Variants in FERRY3 observed in about 807,000 individuals in gnomAD.
FERRY3 encodes protein C12orf4.
the FERRY3 span, among the ~76,000 whole-genome samples, chr12:4,517,834 A>G: frequency 1.3e-5 from 2 of 151,926 alleles, no homozygotes; most frequent in African/African-American, 4.8e-5. Context: ...TGAGAATTCT[A>G]TAAAAACATT....
At chr12:4,530,152 A>G in the FERRY3 span, 1 of 982,854 alleles carries the variant, frequency 1.0e-6, no homozygotes, top group South Asian at 1.5e-5. Context: ...CTTCAATGAC[A>G]GAAAGACCCT....
chr12:4,510,851 C>A, the FERRY3 span, among the ~76,000 whole-genome samples: 192 of 151,458 alleles, frequency 1.3e-3, 1 homozygote, highest in African/African-American at 3.9e-3. Flanking sequence ...CGAGCAAAAT[C>A]ACCAGCTAAC....
chr12:4,520,720 G>A, the FERRY3 span, among the ~76,000 whole-genome samples: 1 of 152,054 alleles, frequency 6.6e-6, no homozygotes, highest in Non-Finnish European at 1.5e-5. Context: ...CACCACTCAA[G>A]AACTTATTTG....
chr12:4,530,409 T>C, the FERRY3 span, among the ~76,000 whole-genome samples: 3 of 152,306 alleles, frequency 2.0e-5, no homozygotes, highest in South Asian at 2.1e-4. Context: ...ATGGTGGCTA[T>C]TTCAGGACAG....
chr12:4,519,742 C>T, the FERRY3 span, among the ~76,000 whole-genome samples: 2 of 152,200 alleles, frequency 1.3e-5, no homozygotes, highest in South Asian at 4.1e-4. This position sits in a 1 kb window ranked among gnomAD's most constrained non-coding sequence, Gnocchi z 4.3. Context: ...CTGAGCTCCA[C>T]CTCCCATCCG....
chr12:4,521,829 A>C, the FERRY3 span, among the ~76,000 whole-genome samples: 1 of 152,170 alleles, frequency 6.6e-6, no homozygotes, highest in African/African-American at 2.4e-5. Context: ...AAAACAATAA[A>C]ACTTCTAGAA....
the FERRY3 span, among the ~76,000 whole-genome samples, chr12:4,522,407 T>C: frequency 1.3e-5 from 2 of 152,132 alleles, no homozygotes; most frequent in East Asian, 3.9e-4. Context: ...AGAAGACACA[T>C]TTTTCCAGCA....
chr12:4,527,494 T>C, the FERRY3 span, among the ~76,000 whole-genome samples: 1 of 152,102 alleles, frequency 6.6e-6, no homozygotes, highest in African/African-American at 2.4e-5. Context: ...AAAAAATCAT[T>C]ATAACTTGTA....
At chr12:4,501,382 G>T in the FERRY3 span, among the ~76,000 whole-genome samples, 5 of 152,122 alleles carry the variant, frequency 3.3e-5, no homozygotes, top group Non-Finnish European at 7.3e-5. Context: ...TAGAACAAGG[G>T]TCCCTCATGG....
chr12:4,509,622 C>G, the FERRY3 span, among the ~76,000 whole-genome samples: 1 of 143,334 alleles, frequency 7.0e-6, no homozygotes, highest in Non-Finnish European at 1.5e-5. Flanking sequence ...TGGGAGGCAC[C>G]CCCCGGCAGG....
the FERRY3 span, among the ~76,000 whole-genome samples, chr12:4,521,652 G>A: frequency 6.6e-6 from 1 of 152,070 alleles, no homozygotes; most frequent in African/African-American, 2.4e-5. Flanking sequence ...ATTTTACAAT[G>A]CCCCCATTAA....
At chr12:4,520,647 A>G in the FERRY3 span, among the ~76,000 whole-genome samples, 3 of 152,188 alleles carry the variant, frequency 2.0e-5, no homozygotes, top group South Asian at 4.1e-4. Flanking sequence ...AAGTGGGGTA[A>G]AAGACTACAC....
the FERRY3 span, chr12:4,491,040 A>G: frequency 1.3e-6 from 1 of 748,090 alleles, no homozygotes; most frequent in Non-Finnish European, 2.3e-6. Context: ...CTATTATGAA[A>G]TATTTGCTTG....
chr12:4,511,328 C>G, the FERRY3 span, among the ~76,000 whole-genome samples: 4 of 150,868 alleles, frequency 2.7e-5, no homozygotes, highest in Non-Finnish European at 5.9e-5. Flanking sequence ...TTAGACAGAT[C>G]AACGAGACAG....
the FERRY3 span, among the ~76,000 whole-genome samples, chr12:4,520,833 A>T: frequency 1.3e-4 from 20 of 152,202 alleles, no homozygotes; most frequent in Non-Finnish European, 2.9e-4. Flanking sequence ...TGAAAGCAAG[A>T]TCTCTAACAA....
chr12:4,527,125 T>A, the FERRY3 span, among the ~76,000 whole-genome samples: 1 of 152,112 alleles, frequency 6.6e-6, no homozygotes, highest in Non-Finnish European at 1.5e-5. Context: ...GATATAAATA[T>A]ATATTACTAT....
chr12:4,533,783 A>G, the FERRY3 span, among the ~76,000 whole-genome samples: 1 of 152,260 alleles, frequency 6.6e-6, no homozygotes, highest in Admixed American at 6.5e-5. Context: ...TTAGAATTTC[A>G]GATAAATAGT....
the FERRY3 span, among the ~76,000 whole-genome samples, chr12:4,515,689 A>C: frequency 8.5e-5 from 13 of 152,170 alleles, no homozygotes; most frequent in South Asian, 1.0e-3. Context: ...AGGGGTACAA[A>C]GTTTCAGCCA....
the FERRY3 span, among the ~76,000 whole-genome samples, chr12:4,513,965 A>C: frequency 6.6e-6 from 1 of 151,580 alleles, no homozygotes; most frequent in African/African-American, 2.4e-5. Flanking sequence ...GCAACCTACA[A>C]AATGGGAGAA....
Sources: gnomAD v4.1 joint callset for allele counts (sites outside exome capture counted in the v4.1 genomes callset) on GRCh38, gnomAD v4.1.1 for gene constraint, Gnocchi (gnomAD v3.1) non-coding constraint, MANE v1.5 for transcripts, NCBI Gene and HGNC (gene_info 2026-07-23, HGNC 2026-07-21) for gene names.